The following G2E3 variants were observed in gnomAD, a reference collection of about 807,000 sequenced individuals.
The protein encoded by G2E3 is G2/M phase-specific E3 ubiquitin-protein ligase.
A neutral mutation model predicts 92.8 loss-of-function variants in G2E3; 35 were observed. That is an observed-to-expected ratio of 0.38 (90% CI 0.29 to 0.50). The LOEUF is 0.50. Ranked by LOEUF, G2E3 falls within the 20% of genes least tolerant of loss-of-function variation. The probability of loss-of-function intolerance (pLI) is 0.94; values close to 1 mark genes in which losing one functional copy is unlikely to be tolerated. For missense variants in G2E3, 554 were observed against 823.8 expected (o/e 0.67, Z 4.01); for synonymous variants, 242 against 272.4 (o/e 0.89, Z 1.10).
intron 8 of G2E3, among the ~76,000 whole-genome samples, chr14:30,601,238 T>C (rs1881554146): frequency 6.6e-6 from 1 of 152,210 alleles, no homozygotes; most frequent in African/African-American, 2.4e-5. Flanking sequence ...GAATATGGAC[T>C]GGCATACACC....
At chr14:30,610,945 A>G (rs1882059622) in intron 12 of G2E3, among the ~76,000 whole-genome samples, 1 of 152,228 alleles carries the variant, frequency 6.6e-6, no homozygotes, top group Non-Finnish European at 1.5e-5. Context: ...CAGATACCAT[A>G]TAGTTTGAAA....
At chr14:30,576,585 C>T (rs558706921) in intron 1 of G2E3, among the ~76,000 whole-genome samples, 1 of 152,242 alleles carries the variant, frequency 6.6e-6, no homozygotes, top group South Asian at 2.1e-4. Context: ...AAACAGACAA[C>T]CTACAGAATA....
intron 7 of G2E3, 65 bp from the exon 8 acceptor site, chr14:30,598,418 C>A (rs1441751726): frequency 3.7e-6 from 4 of 1,067,022 alleles, no homozygotes; most frequent in Non-Finnish European, 5.8e-6. Flanking sequence ...TTTTTAGATT[C>A]ATTCCTGATC....
chr14:30,572,391 C>T (rs1390986393), intron 1 of G2E3, among the ~76,000 whole-genome samples: 2 of 152,164 alleles, frequency 1.3e-5, no homozygotes, highest in Non-Finnish European at 2.9e-5. Flanking sequence ...ATTTTACCCA[C>T]AGTTTGCTTT....
intron 12 of G2E3, among the ~76,000 whole-genome samples, chr14:30,610,906 G>A (rs910820320): frequency 9.9e-5 from 15 of 152,184 alleles, no homozygotes; most frequent in Non-Finnish European, 1.9e-4. Flanking sequence ...CTGCTTTCAC[G>A]CTACAGTGGC....
Position 30,592,325 on chromosome 14 carries a change from A to G in G2E3, c.240A>G (p.Lys80=), listed in dbSNP as rs1485336867. The G allele has an allele frequency of 1.2e-6, 2 of 1,612,720 alleles. No homozygotes were observed. Among genetic ancestry groups the G allele is most frequent in the Middle Eastern group, 1.7e-4 (1 of 6,054 alleles). ...CCTATTTTCACATACTCTTCTAGAA[A>G]TGCTGTGTTTGCAAGAAAAATGGTG... ...RKEVNRASKL[K]CCVCKKNGAS... is the part of the protein sequence containing the mutation. Residue 80 remains lysine, a splice_region_variant and synonymous_variant, in exon 5 of 15, where the codon AAA becomes AAG. Transcript: ENST00000206595.
At chr14:30,608,622 T>A (rs1361846860) in intron 12 of G2E3, among the ~76,000 whole-genome samples, 1 of 152,214 alleles carries the variant, frequency 6.6e-6, no homozygotes, top group African/African-American at 2.4e-5. Flanking sequence ...ATTCAGCACT[T>A]ATAATGGGAC....
chr14:30,577,265 G>GGT (rs1320262227), intron 1 of G2E3, among the ~76,000 whole-genome samples: 1 of 151,676 alleles, frequency 6.6e-6, no homozygotes, highest in Admixed American at 6.6e-5. Flanking sequence ...AATGTTGGGT[G>GGT]GTTAGGATCT....
At chr14:30,572,546 G>C (rs1312728791) in intron 1 of G2E3, among the ~76,000 whole-genome samples, 1 of 152,042 alleles carries the variant, frequency 6.6e-6, no homozygotes, top group Non-Finnish European at 1.5e-5. Context: ...TTTCTGGTTT[G>C]TCCTACAGTT....
At chr14:30,588,419 G>A (rs970235495) in intron 3 of G2E3, among the ~76,000 whole-genome samples, 3 of 151,734 alleles carry the variant, frequency 2.0e-5, no homozygotes. Flanking sequence ...CGATATACTG[G>A]TTAAAATTCT....
At position 30,616,674 on chromosome 14, in the gene G2E3, G is replaced by T; in HGVS notation, c.*140G>T. On this transcript the variant is annotated 3_prime_UTR_variant, in exon 15 of 15. Transcript: ENST00000206595. ...TAAAATTTATGATATGAATATAAAG[G>T]AATATTATAGCCACTTAGGCTAAAA... 1.6e-6 allele frequency: 1 copy of T among 622,586 alleles called. No individual in the cohort carries two copies. Among genetic ancestry groups the T allele is most frequent in the Non-Finnish European group, 2.7e-6 (1 of 373,670 alleles). 38.6% of individuals were successfully genotyped at this position (622,586 alleles called of 1,614,324 possible).
rs537743852 is a variant in G2E3 at position 30,605,737 on chromosome 14, C to A, written c.1243C>A (p.Leu415Ile). Residue 415 changes from leucine (L) to isoleucine (I), a missense_variant, in exon 11 of 15, where the codon CTC becomes ATC. Coordinates refer to ENST00000206595, the MANE Select transcript of G2E3 (RefSeq NM_017769.5). ...TGGATCAAAGCAAGAATTTCTGAGT[C>A]TCTTAATGCAACATCTTGAGAACTC... is the stretch of plus-strand genomic sequence containing the variant. ...HPGSKQEFLS[L>I]LMQHLENSSL... The A allele has an allele frequency of 1.2e-6, 2 of 1,606,448 alleles. No individual in the cohort carries two copies. The highest frequency in any genetic ancestry group is 1.3e-5 in the African/African-American group (1 of 74,670).
At chr14:30,585,210 C>G (rs889834647) in intron 2 of G2E3, among the ~76,000 whole-genome samples, 8 of 152,022 alleles carry the variant, frequency 5.3e-5, no homozygotes, top group Non-Finnish European at 1.0e-4. Context: ...GTTACCTGTG[C>G]TTTTAGTATC....
Position 30,616,335 on chromosome 14 carries a change from C to G in G2E3, c.1922C>G (p.Ser641Cys). 1 of 1,607,652 alleles carries G rather than the reference C, an allele frequency of 6.2e-7. No individual in the cohort carries two copies. The highest frequency in any genetic ancestry group is 8.5e-7 in the Non-Finnish European group (1 of 1,174,388). ...DILIFATGCS[S>C]IPPAGFKPTP... ...CTTATTTTTGCAACTGGTTGCAGTT[C>G]CATTCCTCCAGCTGGATTTAAACCC... is the stretch of plus-strand genomic sequence containing the variant. Residue 641 changes from serine to cysteine, a missense_variant, in exon 15 of 15, where the codon TCC becomes TGC. By Grantham distance (112) the Ser-to-Cys change is moderately radical (BLOSUM62 -1). This residue lies in a region of G2E3 where 397 missense variants were observed against 560.3 expected (regional missense o/e 0.71). Transcript: ENST00000206595.
rs181382366 is a variant in G2E3, at chr14:30,616,243, G to A, written c.1865-35G>A. The A allele has an allele frequency of 1.1e-4, 153 of 1,410,604 alleles. No individual in the cohort carries two copies. In the African/African-American group the frequency reaches 1.9e-3, roughly 18 times the overall value. 87.4% of individuals were successfully genotyped at this position (1,410,604 alleles called of 1,614,324 possible). A position where few individuals can be genotyped will look rare whatever the true frequency, so the allele number is the denominator to read the frequency against. ...CAATATATAACATGGATTTACTTTTGTTTCTTTTACTCTTTTATTGGTAAA... is the reference window on the plus strand; with the variant it reads ...CAATATATAACATGGATTTACTTTTATTTCTTTTACTCTTTTATTGGTAAA... On this transcript the variant is annotated intron_variant, in intron 14 of 14. Coordinates refer to ENST00000206595, the MANE Select transcript of G2E3 (RefSeq NM_017769.5).
At position 30,597,929 on chromosome 14, in the gene G2E3, G is replaced by GA. The variant is rs199779040; in HGVS notation, c.635+408dup. 8.6e-3 allele frequency among the ~76,000 whole-genome samples: 1,308 copies of GA among 152,236 alleles called. 26 individuals carry two copies. The highest frequency in any genetic ancestry group is 0.03 in the African/African-American group (1,266 of 41,538). On this transcript the variant is annotated intron_variant, in intron 7 of 14. Transcript: ENST00000206595. ...TTAAAAATCGAAAGTGAAATATTTG[G>GA]AAAAATGTGTTATAAAAAATTTCTT...
At chr14:30,591,815 C>T (rs229253) in intron 4 of G2E3, among the ~76,000 whole-genome samples, 1 of 152,102 alleles carries the variant, frequency 6.6e-6, no homozygotes, top group African/African-American at 2.4e-5. Context: ...TACTGGGAGT[C>T]GGGACCTGAG....
At chr14:30,597,821 A>G (rs1296694888) in intron 7 of G2E3, among the ~76,000 whole-genome samples, 1 of 152,258 alleles carries the variant, frequency 6.6e-6, no homozygotes, top group Non-Finnish European at 1.5e-5. Flanking sequence ...AATTAAGAGA[A>G]TCAAGATGTG....
intron 1 of G2E3, among the ~76,000 whole-genome samples, chr14:30,564,478 A>G (rs1335344738): frequency 6.6e-6 from 1 of 152,110 alleles, no homozygotes; most frequent in East Asian, 1.9e-4. Flanking sequence ...GACTACAGGC[A>G]TTTGCCACCA....
Sources: allele counts gnomAD v4.1 joint callset (sites outside exome capture counted in the v4.1 genomes callset), GRCh38; gene constraint gnomAD v4.1.1; regional missense constraint gnomAD v4.1.1; transcripts MANE v1.5; gene names NCBI Gene and HGNC (gene_info 2026-07-23, HGNC 2026-07-21).